FAM83B: variants seen among roughly 807,000 people sequenced by gnomAD.
FAM83B encodes the protein protein FAM83B.
FAM83B carries 26 observed loss-of-function variants against 38.8 expected under a neutral mutation model. The ratio of observed to expected loss-of-function variants is 0.67; its 90% CI spans 0.49 to 0.93. The LOEUF is 0.93. Ranked by LOEUF, FAM83B falls within the 40% of genes least tolerant of loss-of-function variation. The pLI, the probability that FAM83B is intolerant of heterozygous loss-of-function variation, is 0.00. For synonymous variants in FAM83B, 419 were observed against 423.1 expected, an observed-to-expected ratio of 0.99 and a Z score of 0.12; for missense variants, 1,237 against 1,197.3, an observed-to-expected ratio of 1.03 and a Z score of -0.49.
intron 1 of FAM83B, among the ~76,000 whole-genome samples, chr6:54,866,911 T>C (rs1399522525): frequency 6.6e-6 from 1 of 152,110 alleles, no homozygotes; most frequent in East Asian, 1.9e-4. Context: ...TTTGTATTTA[T>C]AGAATTTCAG....
chr6:54,913,804 C>T (rs1385784108), intron 2 of FAM83B, among the ~76,000 whole-genome samples: 1 of 151,874 alleles, frequency 6.6e-6, no homozygotes, highest in Non-Finnish European at 1.5e-5. Context: ...TTGCTTCCTT[C>T]GTATCTCCCA....
chr6:54,879,144 C>T (rs1054439574), intron 2 of FAM83B, among the ~76,000 whole-genome samples: 15 of 152,084 alleles, frequency 9.9e-5, no homozygotes, highest in Admixed American at 2.6e-4. Context: ...ATGGTTGATC[C>T]GTAACCCCAG....
chr6:54,923,764 C>T (rs903179506), intron 2 of FAM83B, among the ~76,000 whole-genome samples: 5 of 152,018 alleles, frequency 3.3e-5, no homozygotes, highest in African/African-American at 1.2e-4. Context: ...TGCTGTCTCC[C>T]CCAGCAGCAT....
At chr6:54,850,741 CT>C (rs1480169981) in intron 1 of FAM83B, among the ~76,000 whole-genome samples, 5 of 152,110 alleles carry the variant, frequency 3.3e-5, no homozygotes, top group South Asian at 4.1e-4. Flanking sequence ...ATTTTAACGG[CT>C]GGAAATAGTG....
chr6:54,915,523 C>CTAACTCATCCTA (rs1335802857), intron 2 of FAM83B, among the ~76,000 whole-genome samples: 1,662 of 140,630 alleles, frequency 0.012, 266 homozygotes, highest in Middle Eastern at 0.036. Context: ...ACTCACATTT[C>CTAACTCATCCTA]TGGCCGGGCG....
chr6:54,941,321 G>T lies in FAM83B; in HGVS notation c.2350G>T (p.Asp784Tyr). The T allele has an allele frequency of 2.5e-6, 4 of 1,612,442 alleles. No homozygotes were observed. Among genetic ancestry groups the T allele is most frequent in the Non-Finnish European group, 3.4e-6 (4 of 1,179,644 alleles). ...KLRSLLSLTP[D>Y]KKENLSKNKA... ...AAGGTCATTACTTAGCCTTACCCCAGATAAGAAAGAAAATCTATCCAAAAA... is the reference window on the plus strand; with the variant it reads ...AAGGTCATTACTTAGCCTTACCCCATATAAGAAAGAAAATCTATCCAAAAA... The change falls in exon 5 of 5, where the codon GAT becomes TAT. Residue 784 changes from aspartate (D) to tyrosine (Y), a missense_variant. Coordinates refer to ENST00000306858, the MANE Select transcript of FAM83B (RefSeq NM_001010872.3).
intron 1 of FAM83B, among the ~76,000 whole-genome samples, chr6:54,862,963 T>A (rs1249856613): frequency 6.6e-6 from 1 of 151,962 alleles, no homozygotes; most frequent in African/African-American, 2.4e-5. Context: ...AATAAATAAA[T>A]GAAGCTGCAC....
chr6:54,848,265 C>T (rs982761133), intron 1 of FAM83B, among the ~76,000 whole-genome samples: 6 of 152,198 alleles, frequency 3.9e-5, no homozygotes, highest in African/African-American at 1.2e-4. Flanking sequence ...CTTCCAATTG[C>T]AAATTCCACC....
At chr6:54,926,263 A>G (rs1561927320) in intron 2 of FAM83B, 108 bp from the exon 3 acceptor site, 2 of 563,824 alleles carry the variant, frequency 3.5e-6, no homozygotes, top group Non-Finnish European at 6.1e-6. Context: ...ACATACATAT[A>G]TGTATTTAAT....
At chr6:54,896,218 GA>G (rs1245216261) in intron 2 of FAM83B, among the ~76,000 whole-genome samples, 1 of 151,922 alleles carries the variant, frequency 6.6e-6, no homozygotes, top group Non-Finnish European at 1.5e-5. Context: ...ACAAACAAAG[GA>G]AAAAAATACA....
At chr6:54,897,316 C>G (rs1263888157) in intron 2 of FAM83B, among the ~76,000 whole-genome samples, 1 of 151,700 alleles carries the variant, frequency 6.6e-6, no homozygotes, top group Non-Finnish European at 1.5e-5. Context: ...TATATATAAT[C>G]TCCTTGCTGA....
At chr6:54,859,636 A>G (rs1771529762) in intron 1 of FAM83B, among the ~76,000 whole-genome samples, 2 of 152,320 alleles carry the variant, frequency 1.3e-5, no homozygotes. Flanking sequence ...CCTTTCAGTG[A>G]CTGTTGTACT....
chr6:54,910,231 G>A (rs948183433), intron 2 of FAM83B, among the ~76,000 whole-genome samples: 2 of 152,078 alleles, frequency 1.3e-5, no homozygotes, highest in Non-Finnish European at 2.9e-5. Flanking sequence ...ATATACAGAT[G>A]TCTGTAATTG....
chr6:54,884,833 T>TG (rs1421439780), intron 2 of FAM83B, among the ~76,000 whole-genome samples: 1 of 151,264 alleles, frequency 6.6e-6, no homozygotes, highest in Admixed American at 6.6e-5. Context: ...AGTGCAGTGG[T>TG]GAGATCTGGG....
At chr6:54,880,735 G>A (rs1051371185) in intron 2 of FAM83B, among the ~76,000 whole-genome samples, 6 of 152,168 alleles carry the variant, frequency 3.9e-5, no homozygotes, top group African/African-American at 9.6e-5. Context: ...GAGCCACTGC[G>A]CCCAGTCGAA....
rs1422534514 is a variant in FAM83B, at chr6:54,940,585, T to G, written c.1614T>G (p.Ser538=). 1 of 1,614,012 alleles carries G rather than the reference T, an allele frequency of 6.2e-7. No homozygotes were observed. Among genetic ancestry groups the G allele is most frequent in the Admixed American group, 1.7e-5 (1 of 59,958 alleles). ...AGGCCAATGCCCTTTATACTCATTC[T>G]CGGCTTCGTTCCTCTTTAGTATTTA... The part of the protein sequence containing the change: ...NLKANALYTH[S]RLRSSLVFKP... Residue 538 remains serine (S), a synonymous_variant, in exon 5 of 5, where the codon TCT becomes TCG. Transcript: ENST00000306858.
At chr6:54,902,651 C>G (rs1772686672) in intron 2 of FAM83B, among the ~76,000 whole-genome samples, 1 of 148,448 alleles carries the variant, frequency 6.7e-6, no homozygotes, top group African/African-American at 2.6e-5. Context: ...ATTAAGAGGA[C>G]CATAGAATTC....
intron 2 of FAM83B, among the ~76,000 whole-genome samples, chr6:54,879,325 C>T (rs1358099798): frequency 1.3e-5 from 2 of 152,170 alleles, no homozygotes; most frequent in African/African-American, 4.8e-5. Flanking sequence ...GAGATAAGAA[C>T]ATGACGGATT....
chr6:54,940,310 C>A lies in FAM83B; in HGVS notation c.1339C>A (p.Arg447=). The part of the protein sequence containing the change: ...HNTPAQSFAN[R]LAQRKTTNLA... ...CACACCTGCCCAGAGTTTTGCCAATCGGCTTGCGCAGAGAAAAACAACAAA... is the reference window on the plus strand; with the variant it reads ...CACACCTGCCCAGAGTTTTGCCAATAGGCTTGCGCAGAGAAAAACAACAAA... Residue 447 remains arginine (R), a synonymous_variant, in exon 5 of 5, where the codon CGG becomes AGG. Coordinates refer to ENST00000306858, the MANE Select transcript of FAM83B (RefSeq NM_001010872.3). The A allele has an allele frequency of 5.0e-6, 8 of 1,614,036 alleles. No individual in the cohort carries two copies. Among genetic ancestry groups the A allele is most frequent in the Non-Finnish European group, 6.8e-6 (8 of 1,180,000 alleles).
Sources: gnomAD v4.1 joint callset for allele counts (sites outside exome capture counted in the v4.1 genomes callset) on GRCh38, gnomAD v4.1.1 for gene constraint, MANE v1.5 for transcripts, NCBI Gene and HGNC (gene_info 2026-07-23, HGNC 2026-07-21) for gene names.